Variants in CSMD1 observed in about 807,000 individuals in gnomAD.
CSMD1 encodes CUB and Sushi multiple domains 1.
In CSMD1, 213 loss-of-function variants were observed where a neutral mutation model predicts 417.5. The ratio of observed to expected loss-of-function variants is 0.51; its 90% CI spans 0.46 to 0.57. CSMD1 has a LOEUF of 0.57. Ranked by LOEUF, CSMD1 falls within the 20% of genes least tolerant of loss-of-function variation. The probability of loss-of-function intolerance (pLI) is 0.00; values close to 1 mark genes in which losing one functional copy is unlikely to be tolerated. For missense variants in CSMD1, 6,923 were observed against 4,529.7 expected (o/e 1.53, Z -15.17); for synonymous variants, 2,862 against 1,736.8 (o/e 1.65, Z -16.11).
intron 3 of CSMD1, among the ~76,000 whole-genome samples, chr8:4,371,465 G>T (rs865969258): frequency 2.0e-4 from 30 of 152,166 alleles, no homozygotes; most frequent in Admixed American, 1.6e-3. Context: ...CATGTCTGGG[G>T]ATAGAAAATA....
intron 2 of CSMD1, among the ~76,000 whole-genome samples, chr8:4,528,674 C>T (rs1356551133): frequency 6.6e-6 from 1 of 151,946 alleles, no homozygotes; most frequent in African/African-American, 2.4e-5. Context: ...TGGTGTACAC[C>T]CCACAAACTC....
At chr8:4,756,825 G>C (rs902196760) in intron 1 of CSMD1, among the ~76,000 whole-genome samples, 2 of 152,120 alleles carry the variant, frequency 1.3e-5, no homozygotes, top group African/African-American at 4.8e-5. Flanking sequence ...GAAGAGCTGG[G>C]CCCAGGTATA....
intron 5 of CSMD1, among the ~76,000 whole-genome samples, chr8:3,853,512 A>C (rs2930355): frequency 0.19 from 29,585 of 152,182 alleles, 3,149 homozygotes; most frequent in East Asian, 0.42. Context: ...AAGCATCAAT[A>C]TGACTGCCTT....
intron 65 of CSMD1, 51 bp downstream of exon 65, chr8:2,954,173 G>C (rs150417237): frequency 2.5e-5 from 27 of 1,076,452 alleles, no homozygotes; most frequent in Non-Finnish European, 3.6e-5. Context: ...GCAGAGTAGA[G>C]AACAAATCAC....
At chr8:4,943,731 T>C (rs755748828) in intron 1 of CSMD1, among the ~76,000 whole-genome samples, 31 of 152,152 alleles carry the variant, frequency 2.0e-4, no homozygotes, top group Non-Finnish European at 3.4e-4. Context: ...AAGATATCCA[T>C]CATGATGTGA....
chr8:4,316,731 T>C lies in CSMD1; in HGVS notation c.415+103222A>G, dbSNP rs543435041. ...CAAAATAATGGGATTTTCAGAACGA[T>C]AGTTAAATAAGAAAGTGGTCGAACG... On this transcript the variant is annotated intron_variant, in intron 3 of 69. Transcript: ENST00000635120. Among the ~76,000 whole-genome samples, 19 of 152,034 alleles carry C rather than the reference T, an allele frequency of 1.2e-4. No homozygotes were observed. In the East Asian group the frequency reaches 3.1e-3, roughly 25 times the overall value.
chr8:3,248,233 G>C (rs1342761816), intron 26 of CSMD1, among the ~76,000 whole-genome samples: 3 of 152,168 alleles, frequency 2.0e-5, no homozygotes, highest in African/African-American at 7.2e-5. Flanking sequence ...TACTGTAATA[G>C]GAAGAATGAA....
At chr8:4,803,761 C>T (rs756547525) in intron 1 of CSMD1, among the ~76,000 whole-genome samples, 3 of 152,096 alleles carry the variant, frequency 2.0e-5, no homozygotes, top group South Asian at 2.1e-4. Context: ...TTTCAAAGAA[C>T]GTTATTGGTA....
intron 12 of CSMD1, among the ~76,000 whole-genome samples, chr8:3,462,749 A>T (rs1208943449): frequency 6.6e-6 from 1 of 152,156 alleles, no homozygotes; most frequent in South Asian, 2.1e-4. Context: ...TCCATGGAAA[A>T]ACTGTCTACC....
chr8:3,826,754 C>G (rs575481466), intron 5 of CSMD1, among the ~76,000 whole-genome samples: 1 of 152,178 alleles, frequency 6.6e-6, no homozygotes, highest in South Asian at 2.1e-4. Context: ...GGAGGACTCA[C>G]TTATAAGCAT....
At chr8:4,840,128 C>A (rs1322168858) in intron 1 of CSMD1, among the ~76,000 whole-genome samples, 1 of 152,268 alleles carries the variant, frequency 6.6e-6, no homozygotes, top group Non-Finnish European at 1.5e-5. Context: ...GAGGCACTTG[C>A]CAGCTGTGGA....
intron 1 of CSMD1, among the ~76,000 whole-genome samples, chr8:4,908,766 T>C (rs971584793): frequency 6.6e-6 from 1 of 151,982 alleles, no homozygotes; most frequent in Non-Finnish European, 1.5e-5. Context: ...AGAGTTTTCA[T>C]GTTTCTGCTT....
intron 3 of CSMD1, among the ~76,000 whole-genome samples, chr8:4,074,877 C>G (rs1394330120): frequency 6.6e-6 from 1 of 151,998 alleles, no homozygotes; most frequent in Non-Finnish European, 1.5e-5. Context: ...ATGCACACTC[C>G]TCTTAAACTT....
intron 10 of CSMD1, among the ~76,000 whole-genome samples, chr8:3,551,236 T>A (rs904285125): frequency 5.3e-5 from 8 of 152,190 alleles, no homozygotes; most frequent in Non-Finnish European, 1.2e-4. Context: ...AGCATGTAAA[T>A]TTCTCAAGAA....
intron 3 of CSMD1, among the ~76,000 whole-genome samples, chr8:4,416,519 G>C (rs1412672502): frequency 2.0e-5 from 3 of 152,052 alleles, no homozygotes; most frequent in Non-Finnish European, 4.4e-5. Flanking sequence ...AACATTTTGA[G>C]TCTAAGAGTT....
chr8:4,862,322 G>C (rs1455362189), intron 1 of CSMD1, among the ~76,000 whole-genome samples: 1 of 152,104 alleles, frequency 6.6e-6, no homozygotes, highest in African/African-American at 2.4e-5. Flanking sequence ...TTATGAATGA[G>C]ATGGAAAATT....
chr8:3,413,250 T>C (rs1812928197), intron 12 of CSMD1, among the ~76,000 whole-genome samples: 1 of 149,758 alleles, frequency 6.7e-6, no homozygotes, highest in Non-Finnish European at 1.5e-5. Flanking sequence ...GTAAAATAAA[T>C]TATGGCATTT....
chr8:4,461,865 C>G (rs954637580), intron 2 of CSMD1, among the ~76,000 whole-genome samples: 3 of 151,538 alleles, frequency 2.0e-5, no homozygotes, highest in African/African-American at 4.8e-5. Flanking sequence ...CTCAGCCTCC[C>G]GAGTAGCTCG....
At chr8:4,830,174 G>C (rs2060268428) in intron 1 of CSMD1, among the ~76,000 whole-genome samples, 1 of 152,154 alleles carries the variant, frequency 6.6e-6, no homozygotes, top group Admixed American at 6.6e-5. Flanking sequence ...GAAGAGTCTT[G>C]TTTACAGCAA....
Sources: gnomAD v4.1 joint callset for allele counts (sites outside exome capture counted in the v4.1 genomes callset) on GRCh38, gnomAD v4.1.1 for gene constraint, MANE v1.5 for transcripts, NCBI Gene and HGNC (gene_info 2026-07-23, HGNC 2026-07-21) for gene names.